CFAP65: variants seen among roughly 807,000 people sequenced by gnomAD.
The protein encoded by CFAP65 is cilia and flagella associated protein 65.
Under a neutral mutation model 208.0 loss-of-function variants are expected in CFAP65, and 155 were observed. That is an observed-to-expected ratio of 0.75 (90% CI 0.65 to 0.85). The LOEUF is 0.85. Among genes scored for constraint, CFAP65 ranks in the 40% least tolerant of loss-of-function variants. The pLI, the probability that CFAP65 is intolerant of heterozygous loss-of-function variation, is 0.00. For synonymous variants in CFAP65, 970 were observed against 986.3 expected (o/e 0.98, Z 0.31); for missense variants, 2,294 against 2,451.3 (o/e 0.94, Z 1.36).
rs1426759683 is a variant in CFAP65 at position 219,027,913 on chromosome 2, G to A, written c.1948C>T (p.Pro650Ser). 17 of 1,527,342 alleles carry A rather than the reference G, an allele frequency of 1.1e-5. No individual in the cohort carries two copies. The highest frequency in any genetic ancestry group is 1.4e-5 in the Non-Finnish European group (16 of 1,137,510). 94.6% of individuals were successfully genotyped at this position (1,527,342 alleles called of 1,614,324 possible). A position where few individuals can be genotyped will look rare whatever the true frequency, so the allele number is the denominator to read the frequency against. ...ACCTCGACAGGCTCTACACTGATGG[G>A]CGGGGGGAAGATGGTTATGTCGCTG... ...GTSDITIFPP[P>S]ISVEPVEVDF... The change falls in exon 13 of 35, where the codon CCC (proline) becomes TCC (serine). Residue 650 changes from proline to serine, a missense_variant. Physicochemically the swap from Pro to Ser is moderately conservative, Grantham distance 74. This residue lies in a region of CFAP65 where 867 missense variants were observed against 1,012.6 expected (regional missense o/e 0.86). Coordinates refer to ENST00000341552, the MANE Select transcript of CFAP65 (RefSeq NM_194302.4).
intron 29 of CFAP65, 63 bp from the exon 30 acceptor site, chr2:219,006,572 G>A (rs1946008104): frequency 2.0e-6 from 3 of 1,531,370 alleles, no homozygotes; most frequent in East Asian, 4.5e-5. Flanking sequence ...GGTGCTTCAT[G>A]CCTGTAATCC....
At position 219,038,456 on chromosome 2, in the gene CFAP65, G is replaced by T; in HGVS notation, c.276C>A (p.Cys92Ter). The change falls in exon 4 of 35, where the codon TGC becomes TGA. Residue 92 changes from cysteine (C) to a stop codon, truncating the protein, a stop_gained. Coordinates refer to ENST00000341552, the MANE Select transcript of CFAP65 (RefSeq NM_194302.4). LOFTEE classifies it high-confidence loss of function. ...GGATGGCCACTGTGCTGGCACTCAGGCAGGATCCACCAGAGTTCACGGTGT... is the reference window on the plus strand; with the variant it reads ...GGATGGCCACTGTGCTGGCACTCAGTCAGGATCCACCAGAGTTCACGGTGT... ...RNHTVNSGGS[C>*]LSASTVAIPA... The T allele has an allele frequency of 6.2e-7, 1 of 1,614,084 alleles. No homozygotes were observed. The highest frequency in any genetic ancestry group is 8.5e-7 in the Non-Finnish European group (1 of 1,180,032).
At chr2:219,024,447 T>C (rs1947483613) in intron 14 of CFAP65, among the ~76,000 whole-genome samples, 187 bp from the exon 15 acceptor site, 1 of 119,382 alleles carries the variant, frequency 8.4e-6, no homozygotes, top group Non-Finnish European at 1.6e-5. Flanking sequence ...AAGAATGCTT[T>C]TGTTCTCCAG....
intron 29 of CFAP65, among the ~76,000 whole-genome samples, chr2:219,006,833 C>CAAAAAA (rs752764154): frequency 1.3e-5 from 1 of 76,412 alleles, no homozygotes; most frequent in African/African-American, 4.6e-5. Context: ...GACTCTGTCT[C>CAAAAAA]AAAAAAAAAA....
At chr2:219,029,923 T>G in intron 10 of CFAP65, 63 bp downstream of exon 10, 1 of 1,494,912 alleles carries the variant, frequency 6.7e-7, no homozygotes, top group Non-Finnish European at 9.2e-7. Flanking sequence ...GGGAAGGAGC[T>G]CTTCAGAATC....
chr2:219,032,049 A>C lies in CFAP65; in HGVS notation c.646-391T>G, dbSNP rs1025527645. ...ATTCTGCTGCCTCAGCCTCCCAAGT[A>C]GCTGGGACTACAGGCATGTGCCACC... On this transcript the variant is annotated intron_variant, in intron 6 of 34. Transcript: ENST00000341552. The surrounding 1 kb of genome is among the most constrained non-coding windows in gnomAD (Gnocchi z 5.5). Among the ~76,000 whole-genome samples, 2 of 150,530 alleles carry C rather than the reference A, an allele frequency of 1.3e-5. No homozygotes were observed. The highest frequency in any genetic ancestry group is 1.3e-4 in the Admixed American group (2 of 15,026).
At chr2:219,035,095 C>G (rs138582165) in intron 5 of CFAP65, 1 of 434,564 alleles carries the variant, frequency 2.3e-6, no homozygotes, top group Non-Finnish European at 4.0e-6. Flanking sequence ...TTAACAACTA[C>G]GCAGGAAAAA....
chr2:219,030,015 G>A lies in CFAP65; in HGVS notation c.1355C>T (p.Thr452Ile). 6.2e-7 allele frequency: 1 copy of A among 1,614,074 alleles called. No homozygotes were observed. The highest frequency in any genetic ancestry group is 8.5e-7 in the Non-Finnish European group (1 of 1,179,988). ...SIMPSGCASK[T>I]LLKVVGFCRG... is the part of the protein sequence containing the mutation. The stretch of plus-strand genomic sequence containing the variant: ...ACAGAAACCAACGACTTTAAGCAGG[G>A]TCTTGGAGGCACAGCCAGAAGGCAT... The change falls in exon 10 of 35, where the codon ACC (threonine) becomes ATC (isoleucine). Residue 452 changes from threonine (T) to isoleucine (I), a missense_variant. By Grantham distance (89) the Thr-to-Ile change is moderately conservative. Around this residue, in one of 2 missense-constraint regions of CFAP65, gnomAD observed 867 missense variants for 1,012.6 expected, o/e 0.86. Transcript: ENST00000341552.
chr2:219,009,453 A>G lies in CFAP65; in HGVS notation c.4460T>C (p.Val1487Ala), dbSNP rs138920833. Reference protein sequence around the residue: ...PSPLDFGEVSVSPMIGVVAPE... With the variant: ...PSPLDFGEVSASPMIGVVAPE... ...AGCCACCACCCCTATCATGGGACTC[A>G]CAGACACCTGTTGATTTGGGGAAGG... Residue 1487 changes from valine (V) to alanine (A), a missense_variant, in exon 28 of 35, where the codon GTG becomes GCG. By Grantham distance (64) the Val-to-Ala change is moderately conservative. Transcript: ENST00000341552. 2.8e-5 allele frequency: 45 copies of G among 1,609,670 alleles called. No homozygotes were observed. In the African/African-American group the frequency reaches 4.5e-4, roughly 16 times the overall value.
rs531292447 is a variant in CFAP65, at chr2:219,009,146, C to T, written c.4575G>A (p.Ser1525=). The T allele has an allele frequency of 8.1e-6, 13 of 1,612,482 alleles. No individual in the cohort carries two copies. Among genetic ancestry groups the T allele is most frequent in the Admixed American group, 3.3e-5 (2 of 60,008 alleles). ...TGTGATACTGCCTCATGAGCTGCTG[C>T]GAGTACAGCTATGGCCCAGGACAGA... ...YSADLVCKLY[S]QQLMRQYHKE... The change falls in exon 29 of 35, where the codon TCG becomes TCA. Residue 1525 remains serine, a synonymous_variant. Transcript: ENST00000341552.
chr2:219,032,356 A>G lies in CFAP65; in HGVS notation c.645+114T>C. 1.2e-6 allele frequency: 1 copy of G among 831,372 alleles called. No homozygotes were observed. Among genetic ancestry groups the G allele is most frequent in the South Asian group, 1.9e-5 (1 of 52,430 alleles). The allele number at this position is 831,372 out of a possible 1,614,324, so 51.5% of individuals were successfully genotyped here. On this transcript the variant is annotated intron_variant, in intron 6 of 34. Coordinates refer to ENST00000341552, the MANE Select transcript of CFAP65 (RefSeq NM_194302.4). This position sits in a 1 kb window ranked among gnomAD's most constrained non-coding sequence, Gnocchi z 5.5. The stretch of plus-strand genomic sequence containing the variant: ...GCCTCCCAAGCTGGATTGCTGCTGG[A>G]GCGGGCAGCATGTGTGTGTGCCGGG...
rs1948106416 is a variant in CFAP65, at chr2:219,032,350, T to C, written c.645+120A>G. 2.5e-6 allele frequency: 2 copies of C among 804,594 alleles called. No homozygotes were observed. Among genetic ancestry groups the C allele is most frequent in the African/African-American group, 3.5e-5 (2 of 57,964 alleles). 49.8% of individuals were successfully genotyped at this position (804,594 alleles called of 1,614,324 possible). ...GACGGGGCCTCCCAAGCTGGATTGC[T>C]GCTGGAGCGGGCAGCATGTGTGTGT... On this transcript the variant is annotated intron_variant, in intron 6 of 34. Transcript: ENST00000341552. This position sits in a 1 kb window ranked among gnomAD's most constrained non-coding sequence, Gnocchi z 5.5.
At chr2:219,022,471 C>A in intron 16 of CFAP65, 142 bp from the exon 17 acceptor site, 2 of 888,784 alleles carry the variant, frequency 2.3e-6, no homozygotes, top group Middle Eastern at 2.8e-4. Context: ...GTACACGGCA[C>A]ATGTATGGAG....
Position 219,004,185 on chromosome 2 carries a change from CTCT to C in CFAP65, c.5319_5321del (p.Glu1774del), listed in dbSNP as rs781553221. On this transcript the variant is annotated inframe_deletion, in exon 33 of 35. Transcript: ENST00000341552. The surrounding 1 kb of genome is among the most constrained non-coding windows in gnomAD (Gnocchi z 4.7). ...CTTCTTCCTCCTCTTCCTCCTCCAA[CTCT>C]TCTTCTTCCTCTTCACCCTTCTCCT... 2.4e-4 allele frequency: 393 copies of C among 1,613,988 alleles called. No individual in the cohort carries two copies. The highest frequency in any genetic ancestry group is 1.7e-3 in the Middle Eastern group (10 of 6,058).
At position 219,029,998 on chromosome 2, in the gene CFAP65, C is replaced by T. The variant is rs982474355; in HGVS notation, c.1372G>A (p.Gly458Ser). 1.2e-6 allele frequency: 2 copies of T among 1,613,834 alleles called. No homozygotes were observed. Among genetic ancestry groups the T allele is most frequent in the Admixed American group, 3.3e-5 (2 of 59,994 alleles). Reference sequence around the variant, plus strand: ...GGGTCACCGGTACCTCTACAGAAACCAACGACTTTAAGCAGGGTCTTGGAG... The same window carrying T: ...GGGTCACCGGTACCTCTACAGAAACTAACGACTTTAAGCAGGGTCTTGGAG... ...CASKTLLKVV[G>S]FCRGPAVSLQ... is the part of the protein sequence containing the mutation. Residue 458 changes from glycine (G) to serine (S), a missense_variant, in exon 10 of 35, where the codon GGT becomes AGT. Transcript: ENST00000341552.
At chr2:219,040,677 T>C (rs1224064278) in intron 1 of CFAP65, 113 bp from the exon 2 acceptor site, 1 of 1,490,876 alleles carries the variant, frequency 6.7e-7, no homozygotes, top group Non-Finnish European at 9.1e-7. Context: ...AGCTCCTGCC[T>C]CAGAGCTCTG....
At chr2:219,038,761 C>T in intron 3 of CFAP65, 135 bp downstream of exon 3, 6 of 1,155,250 alleles carry the variant, frequency 5.2e-6, no homozygotes, top group Non-Finnish European at 7.4e-6. Context: ...TGCCTGGGAG[C>T]CCAGGGACTC....
In CFAP65 at chr2:219,022,449, A is replaced by G. The variant is rs73090811; in HGVS notation, c.2821-120T>C. On this transcript the variant is annotated intron_variant, in intron 16 of 34. Coordinates refer to ENST00000341552, the MANE Select transcript of CFAP65 (RefSeq NM_194302.4). ...TTAGCCCTTTCTCAGAATCTACCCT[A>G]TGCCAGGCATTGTACACGGCACATG... 0.014 allele frequency: 16,332 copies of G among 1,132,572 alleles called. 1,530 individuals carry two copies. In the African/African-American group the frequency reaches 0.21, roughly 15 times the overall value. The allele number at this position is 1,132,572 out of a possible 1,614,324, so 70.2% of individuals were successfully genotyped here.
At chr2:219,026,501 C>A in intron 13 of CFAP65, 1 of 214,074 alleles carries the variant, frequency 4.7e-6, no homozygotes, top group East Asian at 1.0e-4. Context: ...CCGCAAATGT[C>A]ATTTTAGATG....
Sources: allele counts gnomAD v4.1 joint callset (sites outside exome capture counted in the v4.1 genomes callset), GRCh38; gene constraint gnomAD v4.1.1; regional missense constraint gnomAD v4.1.1; non-coding constraint Gnocchi (gnomAD v3.1); transcripts MANE v1.5; gene names NCBI Gene and HGNC (gene_info 2026-07-23, HGNC 2026-07-21).